CDH22: variants seen among roughly 807,000 people sequenced by gnomAD.
The protein encoded by CDH22 is cadherin 22.
CDH22 carries 30 observed loss-of-function variants against 58.4 expected under a neutral mutation model. The ratio of observed to expected loss-of-function variants is 0.51; its 90% confidence interval spans 0.38 to 0.70. The LOEUF is 0.70. Among genes scored for constraint, CDH22 ranks in the 30% least tolerant of loss-of-function variants. CDH22 has a pLI of 0.00. For missense variants in CDH22, 1,014 were observed against 1,233.9 expected (o/e 0.82, Z 2.67); for synonymous variants, 513 against 558.2 (o/e 0.92, Z 1.14).
At chr20:46,200,801 A>C (rs1378412009) in intron 7 of CDH22, among the ~76,000 whole-genome samples, 1 of 152,052 alleles carries the variant, frequency 6.6e-6, no homozygotes, top group African/African-American at 2.4e-5. Flanking sequence ...TGTACTGGGG[A>C]GCCAACGGGG....
At chr20:46,239,519 G>T (rs1283391719) in intron 3 of CDH22, among the ~76,000 whole-genome samples, 2 of 152,196 alleles carry the variant, frequency 1.3e-5, no homozygotes, top group Non-Finnish European at 2.9e-5. Flanking sequence ...ATCCCAGCAA[G>T]CTGCCAGATT....
intron 8 of CDH22, among the ~76,000 whole-genome samples, chr20:46,198,189 C>T (rs984031549): frequency 4.6e-5 from 7 of 151,860 alleles, no homozygotes; most frequent in Non-Finnish European, 8.8e-5. Context: ...CCAGTGCTCT[C>T]AGCTCCTCAC....
rs760770308 is a variant in CDH22 at position 46,178,176 on chromosome 20, G to T, written c.1685C>A (p.Thr562Lys). ...DIQDNTAAVHTQHVGFNRQEQ... is the reference protein window; with the variant it reads ...DIQDNTAAVHKQHVGFNRQEQ... The stretch of plus-strand genomic sequence containing the variant: ...CTGCCGGTTGAAGCCCACGTGCTGC[G>T]TGTGCACTGCAGCGGTGTTGTCTGT... The change falls in exon 11 of 12, where the codon ACG (threonine) becomes AAG (lysine). Residue 562 changes from threonine to lysine, a missense_variant. Thr to Lys is a moderately conservative substitution (Grantham distance 78). This residue lies in a region of CDH22 where 806 missense variants were observed against 1,038.7 expected (regional missense o/e 0.78). Coordinates refer to ENST00000537909, the MANE Select transcript of CDH22 (RefSeq NM_021248.3). 3.1e-6 allele frequency: 5 copies of T among 1,613,844 alleles called. No individual in the cohort carries two copies. The highest frequency in any genetic ancestry group is 1.6e-4 in the Middle Eastern group (1 of 6,062).
intron 7 of CDH22, among the ~76,000 whole-genome samples, chr20:46,208,382 G>A (rs544647196): frequency 2.2e-4 from 34 of 152,264 alleles, no homozygotes; most frequent in Admixed American, 1.8e-3. Flanking sequence ...GCTTGCCTGT[G>A]TCTGTGTCTA....
At chr20:46,236,681 C>CTATCTATCTATCTATA (rs1555804350) in intron 3 of CDH22, among the ~76,000 whole-genome samples, 1 of 130,900 alleles carries the variant, frequency 7.6e-6, no homozygotes, top group Non-Finnish European at 1.6e-5. Context: ...ATCTATCTAT[C>CTATCTATCTATCTATA]TATATATACA....
intron 1 of CDH22, among the ~76,000 whole-genome samples, chr20:46,261,399 C>A (rs1486316728): frequency 6.6e-6 from 1 of 152,222 alleles, no homozygotes; most frequent in Non-Finnish European, 1.5e-5. Flanking sequence ...ATTTATTTAA[C>A]AACTGTGCTA....
intron 10 of CDH22, among the ~76,000 whole-genome samples, chr20:46,183,789 G>A (rs370518662): frequency 3.9e-5 from 6 of 152,024 alleles, no homozygotes. Flanking sequence ...GGGTGTGAGT[G>A]TGTAAAGGCC....
At chr20:46,221,330 T>C (rs966137554) in intron 4 of CDH22, among the ~76,000 whole-genome samples, 6 of 151,538 alleles carry the variant, frequency 4.0e-5, no homozygotes, top group Non-Finnish European at 7.4e-5. Flanking sequence ...AGAAATCCAG[T>C]TGGCTGGGCC....
In CDH22 at chr20:46,178,020, G is replaced by T. The variant is rs370838347; in HGVS notation, c.1841C>A (p.Thr614Lys). The change falls in exon 11 of 12, where the codon ACG (threonine) becomes AAG (lysine). Residue 614 changes from threonine to lysine, a missense_variant. Physicochemically the swap from Thr to Lys is moderately conservative, Grantham distance 78. Around this residue, in one of 2 missense-constraint regions of CDH22, gnomAD observed 806 missense variants for 1,038.7 expected, o/e 0.78. Transcript: ENST00000537909. The part of the protein sequence containing the change: ...SSGTIQSCNT[T>K]AFVMAASLSP... ...GAGGGAGGCGGCCATGACAAAGGCC[G>T]TGGTGTTGCAGGACTGGATGGTGCC... The T allele has an allele frequency of 1.2e-6, 2 of 1,613,984 alleles. No homozygotes were observed. The highest frequency in any genetic ancestry group is 2.7e-5 in the African/African-American group (2 of 74,930).
chr20:46,174,792 G>A lies in CDH22; in HGVS notation c.2201C>T (p.Pro734Leu), dbSNP rs1458856830. The A allele has an allele frequency of 6.7e-7, 1 of 1,495,228 alleles. No homozygotes were observed. The highest frequency in any genetic ancestry group is 2.8e-5 in the East Asian group (1 of 35,442). 92.6% of individuals were successfully genotyped at this position (1,495,228 alleles called of 1,614,324 possible). A position where few individuals can be genotyped will look rare whatever the true frequency, so the allele number is the denominator to read the frequency against. The change falls in exon 12 of 12, where the codon CCG becomes CTG. Residue 734 changes from proline to leucine, a missense_variant. Transcript: ENST00000537909. This position sits in a 1 kb window ranked among gnomAD's most constrained non-coding sequence, Gnocchi z 4.4. Reference protein sequence around the residue: ...AHLPSERHSLPQGPPSPEPDF... With the variant: ...AHLPSERHSLLQGPPSPEPDF... ...TGGCTCGGGGCTCGGCGGCCCCTGC[G>A]GCAGCGAGTGGCGCTCGGAGGGCAG...
chr20:46,266,443 C>A (rs2086460002), intron 1 of CDH22, among the ~76,000 whole-genome samples: 1 of 152,192 alleles, frequency 6.6e-6, no homozygotes, highest in Non-Finnish European at 1.5e-5. Context: ...GAAGGACCTG[C>A]AGGCTGGTGT....
intron 3 of CDH22, among the ~76,000 whole-genome samples, chr20:46,235,359 C>T (rs563322933): frequency 1.3e-5 from 2 of 152,188 alleles, no homozygotes; most frequent in Non-Finnish European, 2.9e-5. Context: ...CAATTCTTCT[C>T]TATCAAAACT....
In CDH22 at chr20:46,300,878, C is replaced by T. The variant is rs112071919; in HGVS notation, c.-400+7377G>A. On this transcript the variant is annotated intron_variant, in intron 1 of 11. Coordinates refer to ENST00000537909, the MANE Select transcript of CDH22 (RefSeq NM_021248.3). The surrounding 1 kb of genome is among the most constrained non-coding windows in gnomAD (Gnocchi z 4.4). The stretch of plus-strand genomic sequence containing the variant: ...CAGAATTGTTTGTAATAGCGAAGGA[C>T]TGGAAACAACCCAAATGTCCAACAG... Among the ~76,000 whole-genome samples the T allele has an allele frequency of 0.016, 2,505 of 152,222 alleles. 63 individuals carry two copies. The highest frequency in any genetic ancestry group is 0.057 in the African/African-American group (2,375 of 41,522).
chr20:46,176,081 C>T (rs945271652), intron 11 of CDH22, among the ~76,000 whole-genome samples: 1 of 152,222 alleles, frequency 6.6e-6, no homozygotes, highest in African/African-American at 2.4e-5. Flanking sequence ...TCCTCCTCCT[C>T]CCACCTCACT....
At chr20:46,224,228 A>G (rs989215385) in intron 4 of CDH22, among the ~76,000 whole-genome samples, 23 of 152,206 alleles carry the variant, frequency 1.5e-4, no homozygotes, top group Non-Finnish European at 3.4e-4. Context: ...GTTATGTTAT[A>G]TGTGTACATG....
intron 10 of CDH22, among the ~76,000 whole-genome samples, chr20:46,182,126 G>T (rs1340483999): frequency 6.6e-6 from 1 of 152,084 alleles, no homozygotes; most frequent in Non-Finnish European, 1.5e-5. Flanking sequence ...CCAGAATTTG[G>T]ATAATTTTCT....
chr20:46,286,371 C>G (rs190325743), intron 1 of CDH22, among the ~76,000 whole-genome samples: 32 of 152,236 alleles, frequency 2.1e-4, no homozygotes, highest in African/African-American at 7.7e-4. Context: ...CAGCATCCCC[C>G]GGGGTCTCAG....
At chr20:46,279,888 T>C (rs6032745) in intron 1 of CDH22, among the ~76,000 whole-genome samples, 51,649 of 152,142 alleles carry the variant, frequency 0.34, 9,111 homozygotes, top group East Asian at 0.5. Context: ...GAATGTGTAA[T>C]TCATTTTCTA....
chr20:46,200,261 G>A (rs113889250), intron 7 of CDH22, among the ~76,000 whole-genome samples: 5,674 of 151,318 alleles, frequency 0.037, 168 homozygotes, highest in South Asian at 0.092. Flanking sequence ...AGGCGTGAGC[G>A]ACCGCGCCCG....
Sources: gnomAD v4.1 joint callset for allele counts (sites outside exome capture counted in the v4.1 genomes callset) on GRCh38, gnomAD v4.1.1 for gene constraint, gnomAD v4.1.1 regional missense constraint, Gnocchi (gnomAD v3.1) non-coding constraint, MANE v1.5 for transcripts, NCBI Gene and HGNC (gene_info 2026-07-23, HGNC 2026-07-21) for gene names.